FGF13: variants seen among roughly 807,000 people sequenced by gnomAD.
FGF13 encodes the protein fibroblast growth factor 13.
A neutral mutation model predicts 19.5 loss-of-function variants in FGF13; 2 were observed. The observed-to-expected ratio is 0.10, with a 90% CI of 0.04 to 0.32. The LOEUF (loss-of-function observed/expected upper bound fraction) is 0.32. Among genes scored for constraint, FGF13 ranks in the 10% least tolerant of loss-of-function variants. The pLI, the probability that FGF13 is intolerant of heterozygous loss-of-function variation, is 1.00. For missense variants in FGF13, 113 were observed against 192.7 expected (o/e 0.59, Z 2.45); for synonymous variants, 72 against 76.9 (o/e 0.94, Z 0.33).
chrX:139,134,379 A>G (rs1427405470), intron 1 of FGF13, among the ~76,000 whole-genome samples: 2 of 111,882 alleles, frequency 1.8e-5, no homozygotes, highest in African/African-American at 6.5e-5. Flanking sequence ...CTCAGAAGAA[A>G]TCAGGTCTCT....
At chrX:138,835,262 C>T (rs1279548303) in intron 3 of FGF13, among the ~76,000 whole-genome samples, 2 of 111,582 alleles carry the variant, frequency 1.8e-5, no homozygotes, top group Admixed American at 9.5e-5. Flanking sequence ...TTAAAGTCTC[C>T]CACTGTTATT....
intron 3 of FGF13, among the ~76,000 whole-genome samples, chrX:138,674,877 A>G (rs2089649611): frequency 1.8e-5 from 2 of 111,484 alleles, no homozygotes; most frequent in South Asian, 7.6e-4. Context: ...AAAATTATCA[A>G]GATTTATAGC....
chrX:138,876,375 T>C (rs1468681483), intron 1 of FGF13, among the ~76,000 whole-genome samples: 3 of 112,352 alleles, frequency 2.7e-5, no homozygotes, highest in African/African-American at 9.7e-5. Flanking sequence ...CCCTGATCAG[T>C]TGATTTTGAG....
intron 1 of FGF13, among the ~76,000 whole-genome samples, chrX:138,909,629 AG>A (rs1183301307): frequency 8.9e-6 from 1 of 112,062 alleles, no homozygotes. Flanking sequence ...TAATGCATGC[AG>A]GCACAGTGAG....
chrX:139,087,152 C>T (rs2083409702), intron 1 of FGF13, among the ~76,000 whole-genome samples: 2 of 111,237 alleles, frequency 1.8e-5, no homozygotes, highest in Non-Finnish European at 3.8e-5. Context: ...CAAAATTAGC[C>T]GGGCGTGGCG....
chrX:138,757,144 C>T (rs1274183463), intron 3 of FGF13, among the ~76,000 whole-genome samples: 1 of 110,413 alleles, frequency 9.1e-6, no homozygotes, highest in Non-Finnish European at 1.9e-5. Context: ...GGTACCTAAT[C>T]CCATGCTGCC....
At position 139,083,227 on chromosome X, in the gene FGF13, T is replaced by G. The variant is rs766379916; in HGVS notation, c.-113+120189A>C. ...CATTTTATTTTTCTCCCGTCTCATA[T>G]TCATAACATCTCTGGTATGTACCAT... On this transcript the variant is annotated intron_variant, in intron 1 of 2. Transcript: ENST00000421460. Among the ~76,000 whole-genome samples, 105 of 111,393 alleles carry G rather than the reference T, an allele frequency of 9.4e-4. No individual in the cohort carries two copies. The Admixed American group carries it at 9.9e-3, about 11-fold the overall frequency.
intron 1 of FGF13, among the ~76,000 whole-genome samples, chrX:139,086,477 A>T (rs1297707624): frequency 8.9e-6 from 1 of 112,267 alleles, no homozygotes; most frequent in Non-Finnish European, 1.9e-5. Context: ...AACGTATTAA[A>T]TACCACTGAA....
At chrX:138,724,803 A>T (rs2090172990) in intron 1 of FGF13, among the ~76,000 whole-genome samples, 1 of 111,679 alleles carries the variant, frequency 9.0e-6, no homozygotes, top group Non-Finnish European at 1.9e-5. Flanking sequence ...TGAATCCTGG[A>T]ACAGAAAAAG....
chrX:139,128,793 T>C (rs957227319), intron 1 of FGF13, among the ~76,000 whole-genome samples: 2 of 111,802 alleles, frequency 1.8e-5, no homozygotes, highest in African/African-American at 6.5e-5. Context: ...AATCAGTCAA[T>C]AGGAGATAGA....
chrX:139,148,171 C>T (rs1437888054), intron 1 of FGF13, among the ~76,000 whole-genome samples: 1 of 110,976 alleles, frequency 9.0e-6, no homozygotes, highest in Non-Finnish European at 1.9e-5. Flanking sequence ...CAAGTAGGAG[C>T]AACTGGAAGG....
intron 3 of FGF13, among the ~76,000 whole-genome samples, chrX:138,799,802 T>A (rs760054238): frequency 1.4e-4 from 16 of 112,150 alleles, no homozygotes; most frequent in Non-Finnish European, 1.9e-5. Flanking sequence ...TTAGCTCTTC[T>A]TGTTGCATTG....
At position 138,859,589 on chromosome X, in the gene FGF13, T is replaced by C. The variant is rs185936497; in HGVS notation, c.-38-1910A>G. On this transcript the variant is annotated intron_variant, in intron 2 of 2. Transcript: ENST00000421460. Reference sequence around the variant, plus strand: ...AATTGACATTTCTGGAGATTAATAGTGGACTGAAGCTAATAGCCTTTGGCT... The same window carrying C: ...AATTGACATTTCTGGAGATTAATAGCGGACTGAAGCTAATAGCCTTTGGCT... 3.1e-3 allele frequency among the ~76,000 whole-genome samples: 353 copies of C among 112,756 alleles called. 1 individual carries two copies. The highest frequency in any genetic ancestry group is 0.011 in the African/African-American group (348 of 31,104).
intron 3 of FGF13, among the ~76,000 whole-genome samples, chrX:138,776,759 T>C (rs1179464308): frequency 8.9e-6 from 1 of 111,971 alleles, no homozygotes; most frequent in Non-Finnish European, 1.9e-5. Flanking sequence ...TCTGAGTTCT[T>C]TTCTCTAAGC....
chrX:139,111,279 G>T (rs1309335186), intron 1 of FGF13, among the ~76,000 whole-genome samples: 1 of 111,601 alleles, frequency 9.0e-6, no homozygotes, highest in East Asian at 2.8e-4. Context: ...AGGAACTGAT[G>T]CACCAAAATG....
intron 1 of FGF13, among the ~76,000 whole-genome samples, chrX:139,190,193 T>TGAAAG (rs776677085): frequency 1.1e-3 from 119 of 111,630 alleles, no homozygotes; most frequent in African/African-American, 3.8e-3. Context: ...ATGGAGTCAG[T>TGAAAG]GAAAGGAAGG....
chrX:138,928,538 G>T (rs1052976665), intron 1 of FGF13, among the ~76,000 whole-genome samples: 9 of 110,422 alleles, frequency 8.2e-5, no homozygotes, highest in African/African-American at 3.0e-4. Context: ...GAAAGAAAAA[G>T]ACCCCACCCA....
intron 1 of FGF13, among the ~76,000 whole-genome samples, chrX:138,893,344 C>T (rs1052303157): frequency 9.0e-6 from 1 of 111,551 alleles, no homozygotes; most frequent in Non-Finnish European, 1.9e-5. Flanking sequence ...ATTTTTCCAC[C>T]TTATGTTGAA....
At chrX:139,027,233 T>C (rs2092204266) in intron 1 of FGF13, among the ~76,000 whole-genome samples, 1 of 112,458 alleles carries the variant, frequency 8.9e-6, no homozygotes, top group African/African-American at 3.2e-5. Flanking sequence ...TACTGTCACT[T>C]GCAATATAAC....
Sources: gnomAD v4.1 joint callset for allele counts (sites outside exome capture counted in the v4.1 genomes callset) on GRCh38, gnomAD v4.1.1 for gene constraint, MANE v1.5 for transcripts, NCBI Gene and HGNC (gene_info 2026-07-23, HGNC 2026-07-21) for gene names.